The following RORA variants were observed in gnomAD, a reference collection of about 807,000 sequenced individuals.
RORA encodes RAR related orphan receptor A.
RORA carries 7 observed loss-of-function variants against 69.5 expected under a neutral mutation model. That is an observed-to-expected ratio of 0.10 (90% CI 0.06 to 0.19). RORA has a LOEUF of 0.19. Ranked by LOEUF, RORA falls within the 10% of genes least tolerant of loss-of-function variation. The pLI is 1.00. For synonymous variants in RORA, 261 were observed against 240.8 expected (o/e 1.08, Z -0.78); for missense variants, 457 against 663.0 (o/e 0.69, Z 3.41).
intron 1 of RORA, among the ~76,000 whole-genome samples, chr15:60,703,457 A>G (rs1305092199): frequency 6.6e-6 from 1 of 152,108 alleles, no homozygotes; most frequent in African/African-American, 2.4e-5. Context: ...CATAGAACGC[A>G]CAGAGAACAC....
At chr15:60,575,528 T>G (rs1250416365) in intron 2 of RORA, among the ~76,000 whole-genome samples, 2 of 151,854 alleles carry the variant, frequency 1.3e-5, no homozygotes, top group East Asian at 1.9e-4. Flanking sequence ...GTACTGAGAG[T>G]ATATGATTTA....
intron 1 of RORA, among the ~76,000 whole-genome samples, chr15:61,190,564 C>T (rs1037017908): frequency 1.3e-5 from 2 of 152,076 alleles, no homozygotes; most frequent in Non-Finnish European, 2.9e-5. Context: ...AGTTTGAGAC[C>T]AGCCTGGGCA....
intron 1 of RORA, among the ~76,000 whole-genome samples, chr15:60,939,577 G>C (rs1892626325): frequency 6.6e-6 from 1 of 152,222 alleles, no homozygotes; most frequent in Non-Finnish European, 1.5e-5. Flanking sequence ...TTTCGCCAGA[G>C]GGAGCCGTGC....
rs187471179 is a variant in RORA, at chr15:60,710,800, C to T, written c.167-32114G>A. On this transcript the variant is annotated intron_variant, in intron 1 of 10. Transcript: ENST00000335670. ...GAAAAGCAGGGCTCTGCTTACTACA[C>T]TGGTCCCAGGGCACAGAAGAGGGAG... Among the ~76,000 whole-genome samples, 722 of 152,296 alleles carry T rather than the reference C, an allele frequency of 4.7e-3. 5 individuals carry two copies. Among genetic ancestry groups the T allele is most frequent in the African/African-American group, 0.017 (705 of 41,560 alleles).
At chr15:60,516,197 TTATATATATA>T (rs1239658387) in intron 3 of RORA, among the ~76,000 whole-genome samples, 2 of 13,216 alleles carry the variant, frequency 1.5e-4, no homozygotes, top group Admixed American at 1.4e-3. Flanking sequence ...ATATATATAT[TTATATATATA>T]TTTATATATA....
chr15:60,787,638 G>C (rs560497962), intron 1 of RORA, among the ~76,000 whole-genome samples: 129 of 152,352 alleles, frequency 8.5e-4, no homozygotes, highest in African/African-American at 3.1e-3. Context: ...AAAATGCAAA[G>C]CTGAATAAGG....
chr15:60,631,679 GA>G (rs1469507900), intron 2 of RORA, among the ~76,000 whole-genome samples: 1 of 152,174 alleles, frequency 6.6e-6, no homozygotes, highest in East Asian at 1.9e-4. Context: ...CATCGGAGGG[GA>G]AAACAAGAAA....
intron 1 of RORA, among the ~76,000 whole-genome samples, chr15:61,139,819 A>G (rs2079281645): frequency 6.6e-6 from 1 of 152,372 alleles, no homozygotes; most frequent in East Asian, 1.9e-4. Context: ...ACAAGAAAAA[A>G]TAAAAAGATG....
At chr15:60,755,816 C>G (rs191908227) in intron 1 of RORA, among the ~76,000 whole-genome samples, 6 of 152,292 alleles carry the variant, frequency 3.9e-5, no homozygotes, top group Admixed American at 3.9e-4. Flanking sequence ...CTCTCTTGTT[C>G]TTGCAGCAGT....
rs143985334 is a variant in RORA, at chr15:61,032,523, G to A, written c.166+196530C>T. 5.2e-3 allele frequency among the ~76,000 whole-genome samples: 788 copies of A among 152,242 alleles called. 4 individuals are homozygous for A. Among genetic ancestry groups the A allele is most frequent in the African/African-American group, 0.018 (758 of 41,544 alleles). ...TTGATCAACGGAGTAGACCAAAATT[G>A]CCCACTTCACCTTTTCACATGACAA... On this transcript the variant is annotated intron_variant, in intron 1 of 10. Coordinates refer to ENST00000335670, the MANE Select transcript of RORA (RefSeq NM_134261.3).
At chr15:61,190,174 G>T (rs570465391) in intron 1 of RORA, among the ~76,000 whole-genome samples, 92 of 6,666 alleles carry the variant, frequency 0.014, no homozygotes, top group African/African-American at 0.049. Flanking sequence ...TTAGTATTTG[G>T]TCCAGAAAAA....
chr15:60,652,560 T>C (rs1165347732), intron 2 of RORA, among the ~76,000 whole-genome samples: 5 of 152,358 alleles, frequency 3.3e-5, no homozygotes, highest in African/African-American at 1.2e-4. Flanking sequence ...TTCTATGATT[T>C]GCATATGTGT....
At chr15:61,101,862 A>G (rs1403640601) in intron 1 of RORA, among the ~76,000 whole-genome samples, 2 of 152,174 alleles carry the variant, frequency 1.3e-5, no homozygotes, top group African/African-American at 4.8e-5. Flanking sequence ...CAGGTTTGCT[A>G]TGAATGCTGG....
intron 1 of RORA, among the ~76,000 whole-genome samples, chr15:60,867,624 C>A (rs2073505067): frequency 6.6e-6 from 1 of 152,090 alleles, no homozygotes; most frequent in African/African-American, 2.4e-5. Context: ...TGGGTTCTAA[C>A]AAAAGATGCA....
At chr15:60,852,982 T>G (rs767973101) in intron 1 of RORA, among the ~76,000 whole-genome samples, 1 of 152,188 alleles carries the variant, frequency 6.6e-6, no homozygotes, top group Non-Finnish European at 1.5e-5. Context: ...CCCTGAAAGA[T>G]TGCCGGTAAT....
intron 1 of RORA, among the ~76,000 whole-genome samples, chr15:60,872,951 C>T (rs998166792): frequency 2.0e-5 from 3 of 152,092 alleles, no homozygotes; most frequent in East Asian, 1.9e-4. Context: ...TCCTCACCAG[C>T]GCAATCCCTA....
At chr15:60,657,750 A>G (rs1199447244) in intron 2 of RORA, among the ~76,000 whole-genome samples, 1 of 152,270 alleles carries the variant, frequency 6.6e-6, no homozygotes, top group Non-Finnish European at 1.5e-5. Context: ...AAATGAGTTT[A>G]TAAAATCCTA....
intron 1 of RORA, among the ~76,000 whole-genome samples, chr15:60,701,581 A>G (rs1473603484): frequency 6.6e-6 from 1 of 152,174 alleles, no homozygotes; most frequent in Non-Finnish European, 1.5e-5. Flanking sequence ...CACTCACCGC[A>G]ATATTTATCC....
intron 1 of RORA, among the ~76,000 whole-genome samples, chr15:61,085,877 T>G (rs2078617538): frequency 6.6e-6 from 1 of 152,208 alleles, no homozygotes; most frequent in African/African-American, 2.4e-5. Flanking sequence ...TTGCTACCCC[T>G]GGGAGGCCAC....
Sources: gnomAD v4.1 joint callset for allele counts (sites outside exome capture counted in the v4.1 genomes callset) on GRCh38, gnomAD v4.1.1 for gene constraint, MANE v1.5 for transcripts, NCBI Gene and HGNC (gene_info 2026-07-23, HGNC 2026-07-21) for gene names.